NECAB1: variants seen among roughly 807,000 people sequenced by gnomAD.
NECAB1 encodes N-terminal EF-hand calcium binding protein 1.
In NECAB1, 29 loss-of-function variants were observed where a neutral mutation model predicts 57.5. The observed-to-expected ratio is 0.50, with a 90% CI of 0.38 to 0.69. The LOEUF (loss-of-function observed/expected upper bound fraction) is 0.69, where lower values mean the gene tolerates loss of function less well. Among genes scored for constraint, NECAB1 ranks in the 30% least tolerant of loss-of-function variants. NECAB1 has a pLI of 0.00. For synonymous variants in NECAB1, 142 were observed against 147.7 expected, an observed-to-expected ratio of 0.96 and a Z score of 0.28; for missense variants, 372 against 413.8, an observed-to-expected ratio of 0.90 and a Z score of 0.88.
intron 3 of NECAB1, among the ~76,000 whole-genome samples, chr8:90,864,945 C>T (rs1477366050): frequency 6.6e-6 from 1 of 151,928 alleles, no homozygotes; most frequent in Non-Finnish European, 1.5e-5. Flanking sequence ...GAGGAGAATA[C>T]ATCTATGCAC....
At chr8:90,919,838 C>T (rs1312527520) in intron 6 of NECAB1, among the ~76,000 whole-genome samples, 1 of 152,148 alleles carries the variant, frequency 6.6e-6, no homozygotes, top group African/African-American at 2.4e-5. Context: ...TGAGAAGAGG[C>T]TTGAAAAAGT....
At chr8:90,937,360 A>G (rs1165075428) in intron 9 of NECAB1, among the ~76,000 whole-genome samples, 1 of 152,210 alleles carries the variant, frequency 6.6e-6, no homozygotes, top group Admixed American at 6.5e-5. Flanking sequence ...GGATTATTAT[A>G]GGAAAGTACA....
At chr8:90,920,889 T>C (rs913748218) in intron 6 of NECAB1, among the ~76,000 whole-genome samples, 17 of 152,268 alleles carry the variant, frequency 1.1e-4, no homozygotes, top group African/African-American at 4.1e-4. Context: ...GAATTCTAGG[T>C]GAAAGGAGTG....
chr8:90,872,317 T>C (rs1808636556), intron 4 of NECAB1, 164 bp downstream of exon 4: 1 of 556,508 alleles, frequency 1.8e-6, no homozygotes, highest in South Asian at 3.3e-5. Flanking sequence ...TGAATTTTGC[T>C]CAAGTATGTA....
chr8:90,898,335 G>T (rs1267400619), intron 5 of NECAB1, among the ~76,000 whole-genome samples: 1 of 152,066 alleles, frequency 6.6e-6, no homozygotes, highest in African/African-American at 2.4e-5. Context: ...ATATAGCCTT[G>T]TCTTTAGACT....
At chr8:90,905,118 C>T (rs150140411) in intron 5 of NECAB1, among the ~76,000 whole-genome samples, 1 of 151,928 alleles carries the variant, frequency 6.6e-6, no homozygotes, top group East Asian at 1.9e-4. Flanking sequence ...ATTGAAAAAA[C>T]AAACAAACCA....
intron 3 of NECAB1, among the ~76,000 whole-genome samples, chr8:90,865,062 G>A (rs888935183): frequency 2.0e-5 from 3 of 152,068 alleles, no homozygotes; most frequent in Admixed American, 2.0e-4. Flanking sequence ...CCAGTGATAG[G>A]GAGATGATGT....
intron 5 of NECAB1, among the ~76,000 whole-genome samples, chr8:90,908,883 C>T (rs1809758357): frequency 1.3e-5 from 2 of 152,214 alleles, no homozygotes; most frequent in South Asian, 4.1e-4. Context: ...ATTTTCATTC[C>T]CAGAAACTGT....
chr8:90,923,822 A>C (rs1318717366), intron 6 of NECAB1, among the ~76,000 whole-genome samples: 4 of 152,228 alleles, frequency 2.6e-5, no homozygotes, highest in African/African-American at 7.2e-5. Flanking sequence ...GAAATATAAA[A>C]GTGTGAGGAA....
At chr8:90,825,236 T>C (rs985242434) in intron 3 of NECAB1, 1 of 152,384 alleles carries the variant, frequency 6.6e-6, no homozygotes, top group African/African-American at 2.4e-5. Flanking sequence ...GTAGCAGTTA[T>C]CTGGACAATT....
chr8:90,829,795 C>T (rs1052128759), intron 3 of NECAB1, among the ~76,000 whole-genome samples: 4 of 151,912 alleles, frequency 2.6e-5, no homozygotes, highest in Admixed American at 6.6e-5. Flanking sequence ...TTTTTTAAAC[C>T]AAACTGAAAT....
intron 2 of NECAB1, among the ~76,000 whole-genome samples, chr8:90,816,371 A>G (rs1244634666): frequency 2.0e-5 from 3 of 151,842 alleles, no homozygotes; most frequent in African/African-American, 7.2e-5. Context: ...ATGAAGTCCA[A>G]TTTATTAATT....
intron 3 of NECAB1, among the ~76,000 whole-genome samples, chr8:90,852,271 C>G (rs1345156316): frequency 1.3e-5 from 2 of 152,198 alleles, no homozygotes; most frequent in African/African-American, 4.8e-5. Context: ...TTAAAATTAC[C>G]ACCACTCATC....
chr8:90,941,792 T>C (rs1227737123), intron 10 of NECAB1, among the ~76,000 whole-genome samples: 2 of 152,186 alleles, frequency 1.3e-5, no homozygotes, highest in South Asian at 2.1e-4. Context: ...CTCTCAGAAA[T>C]GTGCACCCAG....
chr8:90,946,070 C>T (rs1810799629), intron 10 of NECAB1, among the ~76,000 whole-genome samples: 1 of 152,188 alleles, frequency 6.6e-6, no homozygotes. Flanking sequence ...CACAATTGGA[C>T]TTTTCTTGCT....
At chr8:90,887,248 C>T (rs1176941977) in intron 5 of NECAB1, among the ~76,000 whole-genome samples, 1 of 152,124 alleles carries the variant, frequency 6.6e-6, no homozygotes, top group African/African-American at 2.4e-5. Context: ...TATCTTCTCC[C>T]ATTTTTTTTA....
rs1563545953 is a variant in NECAB1, at chr8:90,947,306, ACACAC to A, written c.861-2500_861-2496del. ...TAGCTATTGGGCTAACAACACATAC[ACACAC>A]ACACACACACACACACACACACACA... On this transcript the variant is annotated intron_variant, in intron 10 of 12. Transcript: ENST00000417640. Among the ~76,000 whole-genome samples, 270 of 95,610 alleles carry A rather than the reference ACACAC, an allele frequency of 2.8e-3. 7 individuals carry two copies. Among genetic ancestry groups the A allele is most frequent in the African/African-American group, 8.4e-3 (224 of 26,664 alleles). 62.7% of individuals were successfully genotyped at this position (95,610 alleles called of 152,430 possible). A position where few individuals can be genotyped will look rare whatever the true frequency, so the allele number is the denominator to read the frequency against.
At chr8:90,913,708 T>C (rs1809884356) in intron 5 of NECAB1, among the ~76,000 whole-genome samples, 1 of 152,196 alleles carries the variant, frequency 6.6e-6, no homozygotes, top group South Asian at 2.1e-4. Context: ...TTTGACATTT[T>C]CCAGCTTGTT....
chr8:90,844,628 A>G (rs1409143150), intron 3 of NECAB1, among the ~76,000 whole-genome samples: 2 of 152,090 alleles, frequency 1.3e-5, no homozygotes, highest in Non-Finnish European at 2.9e-5. Context: ...CACTGTTTTC[A>G]TCTTACAGGC....
Sources: gnomAD v4.1 joint callset for allele counts (sites outside exome capture counted in the v4.1 genomes callset) on GRCh38, gnomAD v4.1.1 for gene constraint, MANE v1.5 for transcripts, NCBI Gene and HGNC (gene_info 2026-07-23, HGNC 2026-07-21) for gene names.